MROH1: variants seen among roughly 807,000 people sequenced by gnomAD.
MROH1 encodes maestro heat-like repeat-containing protein family member 1.
Under a neutral mutation model 116.5 loss-of-function variants are expected in MROH1, and 117 were observed. The observed-to-expected ratio is 1.00, with a 90% confidence interval of 0.86 to 1.17. The LOEUF is 1.17. MROH1 is among the 50% of genes most tolerant of loss of function. MROH1 has a pLI of 0.00. For synonymous variants in MROH1, 921 were observed against 583.9 expected, an observed-to-expected ratio of 1.58 and a Z score of -8.32; for missense variants, 1,873 against 1,338.5, an observed-to-expected ratio of 1.40 and a Z score of -6.23.
Position 144,191,752 on chromosome 8 carries a change from G to A in MROH1, c.752G>A (p.Ser251Asn), listed in dbSNP as rs1340006128. Residue 251 changes from serine (S) to asparagine (N), a missense_variant, in exon 9 of 44, where the codon AGC (serine) becomes AAC (asparagine). Ser to Asn is a conservative substitution (Grantham distance 46). Coordinates refer to ENST00000326134, the MANE Select transcript of MROH1 (RefSeq NM_032450.3). ...GTGGTGGAGGCTCTGGGGCCTATGA[G>A]CCATCTGCTGCCCAGTGAGAGGCTG... ...LAVVEALGPM[S>N]HLLPSERLEE... 3.7e-6 allele frequency: 6 copies of A among 1,613,034 alleles called. No individual in the cohort carries two copies. Among genetic ancestry groups the A allele is most frequent in the Non-Finnish European group, 3.4e-6 (4 of 1,179,716 alleles).
intron 7 of MROH1, among the ~76,000 whole-genome samples, chr8:144,187,163 CA>C (rs1336127096): frequency 6.6e-6 from 1 of 151,886 alleles, no homozygotes; most frequent in Admixed American, 6.6e-5. Context: ...GTAATCCCAG[CA>C]CTTTGGGAGG....
chr8:144,245,348 G>A (rs1051305938), intron 29 of MROH1, 88 bp downstream of exon 29: 29 of 739,336 alleles, frequency 3.9e-5, no homozygotes, highest in Non-Finnish European at 5.2e-5. Flanking sequence ...TCCTCTGGCC[G>A]CCGCCCCAGC....
rs956845869 is a variant in MROH1 at position 144,240,695 on chromosome 8, G to A, written c.1935+18G>A. The A allele has an allele frequency of 9.5e-5, 68 of 714,254 alleles. No individual in the cohort carries two copies. Among genetic ancestry groups the A allele is most frequent in the Middle Eastern group, 6.2e-4 (2 of 3,208 alleles). The allele number at this position is 714,254 out of a possible 1,614,324, so 44.2% of individuals were successfully genotyped here. ...AGGAGAAGGTGGGGCACCTGCTGGC[G>A]TTCTTGGTGTGGTACTTGGGCTCCG... On this transcript the variant is annotated intron_variant, in intron 20 of 43. Transcript: ENST00000326134.
intron 4 of MROH1, among the ~76,000 whole-genome samples, chr8:144,176,910 A>G (rs920741216): frequency 6.6e-6 from 1 of 152,082 alleles, no homozygotes; most frequent in African/African-American, 2.4e-5. Context: ...AAAGGGAGTC[A>G]TGTGTAGCCG....
chr8:144,176,069 ATAAC>A (rs1310541870), intron 4 of MROH1, among the ~76,000 whole-genome samples: 2 of 150,738 alleles, frequency 1.3e-5, no homozygotes, highest in African/African-American at 2.5e-5. Flanking sequence ...ATAAATAAAA[ATAAC>A]TATCGAGGGC....
chr8:144,189,656 C>T (rs751303124), intron 7 of MROH1, among the ~76,000 whole-genome samples: 3 of 152,214 alleles, frequency 2.0e-5, no homozygotes, highest in Non-Finnish European at 4.4e-5. Flanking sequence ...TGTCAGGAGC[C>T]GCCCACCCGT....
At chr8:144,257,254 C>T (rs1306923055) in intron 35 of MROH1, among the ~76,000 whole-genome samples, 3 of 152,176 alleles carry the variant, frequency 2.0e-5, no homozygotes, top group Non-Finnish European at 2.9e-5. Context: ...GCTGCCTTCT[C>T]GTACGTCCGA....
chr8:144,151,045 C>T (rs1816617839), intron 1 of MROH1, among the ~76,000 whole-genome samples: 1 of 151,734 alleles, frequency 6.6e-6, no homozygotes, highest in African/African-American at 2.4e-5. Context: ...GTCAGGAGTT[C>T]GAGACCAGCC....
chr8:144,243,467 G>A (rs1371698824), intron 24 of MROH1, 27 bp from the exon 25 acceptor site: 20 of 777,910 alleles, frequency 2.6e-5, no homozygotes, highest in South Asian at 1.9e-4. Flanking sequence ...GGGCGTGGGC[G>A]TCTCCTGTAG....
chr8:144,250,418 CT>C, intron 33 of MROH1, 52 bp downstream of exon 33: 2 of 723,384 alleles, frequency 2.8e-6, no homozygotes, highest in Admixed American at 1.9e-5. Context: ...GATGCTCCCC[CT>C]GGAATGATGC....
chr8:144,240,203 TG>T, intron 19 of MROH1, 50 bp downstream of exon 19: 6 of 711,142 alleles, frequency 8.4e-6, no homozygotes, highest in South Asian at 1.5e-5. Context: ...TTGTCTGGCC[TG>T]GGGGGTGCTG....
At chr8:144,165,238 C>A (rs1382644827) in intron 3 of MROH1, among the ~76,000 whole-genome samples, 2 of 151,938 alleles carry the variant, frequency 1.3e-5, no homozygotes, top group Non-Finnish European at 2.9e-5. Flanking sequence ...CCTGCCTCAG[C>A]CTCCAGAGCA....
chr8:144,214,005 G>T (rs1298188766), intron 12 of MROH1: 3 of 152,040 alleles, frequency 2.0e-5, no homozygotes, highest in Non-Finnish European at 2.9e-5. Context: ...TTAAAACACA[G>T]TAATTTCATA....
chr8:144,256,592 G>A (rs1205493501), intron 35 of MROH1, among the ~76,000 whole-genome samples: 1 of 152,250 alleles, frequency 6.6e-6, no homozygotes. Flanking sequence ...CCAGCCCCTG[G>A]GCCTGGCCTG....
rs1048840293 is a variant in MROH1 at position 144,260,955 on chromosome 8, G to A, written c.4585G>A (p.Glu1529Lys). 1.3e-6 allele frequency: 1 copy of A among 777,734 alleles called. No homozygotes were observed. Among genetic ancestry groups the A allele is most frequent in the Admixed American group, 1.7e-5 (1 of 59,032 alleles). The allele number at this position is 777,734 out of a possible 1,614,324, so 48.2% of individuals were successfully genotyped here. A position where few individuals can be genotyped will look rare whatever the true frequency, so the allele number is the denominator to read the frequency against. Residue 1529 changes from glutamate (E) to lysine (K), a missense_variant, in exon 41 of 44, where the codon GAG becomes AAG. Glu to Lys is a moderately conservative substitution (Grantham distance 56). Coordinates refer to ENST00000326134, the MANE Select transcript of MROH1 (RefSeq NM_032450.3). ...GTGTGGCCCCAATCTGGCATGTGAG[G>A]AGCTCTCAGCTGCTTTCCAGAAACA... ...RMCGPNLACEELSAAFQKHLQ... is the reference protein window; with the variant it reads ...RMCGPNLACEKLSAAFQKHLQ...
intron 1 of MROH1, among the ~76,000 whole-genome samples, chr8:144,154,058 C>T (rs1248598932): frequency 6.8e-6 from 1 of 148,120 alleles, no homozygotes; most frequent in African/African-American, 2.6e-5. Flanking sequence ...AAGCGTCCAC[C>T]CTATTTTTAT....
chr8:144,155,816 A>G (rs1241149879), intron 1 of MROH1, among the ~76,000 whole-genome samples: 1 of 151,828 alleles, frequency 6.6e-6, no homozygotes, highest in African/African-American at 2.4e-5. Flanking sequence ...TATTTTTAGT[A>G]GAGACAGGGT....
intron 26 of MROH1, 59 bp from the exon 27 acceptor site, chr8:144,244,163 C>T: frequency 1.4e-6 from 1 of 711,152 alleles, no homozygotes; most frequent in South Asian, 1.5e-5. Flanking sequence ...CTGGAGGTTA[C>T]TGGGTGTCTG....
intron 3 of MROH1, among the ~76,000 whole-genome samples, chr8:144,167,637 C>G (rs567118446): frequency 6.6e-6 from 1 of 152,142 alleles, no homozygotes; most frequent in African/African-American, 2.4e-5. Flanking sequence ...GATGCTTGGC[C>G]TGCCCTTTCC....
Sources: gnomAD v4.1 joint callset for allele counts (sites outside exome capture counted in the v4.1 genomes callset) on GRCh38, gnomAD v4.1.1 for gene constraint, MANE v1.5 for transcripts, NCBI Gene and HGNC (gene_info 2026-07-23, HGNC 2026-07-21) for gene names.